CDKAL1: variants seen among roughly 807,000 people sequenced by gnomAD.
CDKAL1 encodes CDKAL1 threonylcarbamoyladenosine tRNA methylthiotransferase.
CDKAL1 carries 32 observed loss-of-function variants against 68.2 expected under a neutral mutation model. The observed-to-expected ratio is 0.47, with a 90% CI of 0.35 to 0.63. The LOEUF (loss-of-function observed/expected upper bound fraction) is 0.63. Ranked by LOEUF, CDKAL1 falls within the 30% of genes least tolerant of loss-of-function variation. The pLI, the probability that CDKAL1 is intolerant of heterozygous loss-of-function variation, is 0.00. For synonymous variants in CDKAL1, 234 were observed against 244.3 expected (o/e 0.96, Z 0.39); for missense variants, 606 against 696.7 (o/e 0.87, Z 1.47).
In CDKAL1 at chr6:20,778,062, ATAAAT is replaced by A. The variant is rs147673403; in HGVS notation, c.518-3082_518-3078del. 8.4e-3 allele frequency among the ~76,000 whole-genome samples: 1,286 copies of A among 152,302 alleles called. 14 individuals are homozygous for A. Among genetic ancestry groups the A allele is most frequent in the African/African-American group, 0.028 (1,180 of 41,564 alleles). ...ATAGCACAAAAGAGGAAGAAGGAAA[ATAAAT>A]AGCATCAGGACAGTTGAATATTCAT... is the stretch of plus-strand genomic sequence containing the variant. On this transcript the variant is annotated intron_variant, in intron 7 of 15. Transcript: ENST00000274695.
intron 9 of CDKAL1, among the ~76,000 whole-genome samples, chr6:20,919,960 C>T (rs1762877467): frequency 1.3e-5 from 2 of 152,130 alleles, no homozygotes; most frequent in Non-Finnish European, 2.9e-5. Flanking sequence ...GCATCTGGCT[C>T]TTAGGGGTGG....
intron 8 of CDKAL1, chr6:20,799,869 A>G (rs1189351699): frequency 6.6e-6 from 1 of 152,222 alleles, no homozygotes; most frequent in Non-Finnish European, 1.5e-5. Flanking sequence ...TGCCTATAAA[A>G]ACTGTACAAA....
intron 11 of CDKAL1, among the ~76,000 whole-genome samples, chr6:21,054,018 A>T (rs1770691965): frequency 6.6e-6 from 1 of 152,148 alleles, no homozygotes; most frequent in African/African-American, 2.4e-5. Context: ...TCGCTAAGAA[A>T]TCTTTGCCTA....
chr6:20,748,487 C>T (rs1158307580), intron 6 of CDKAL1, among the ~76,000 whole-genome samples: 3 of 128,648 alleles, frequency 2.3e-5, no homozygotes, highest in Admixed American at 1.9e-4. Context: ...CAGGCTGTGG[C>T]GAGTTGTTGT....
At chr6:20,976,532 A>G (rs931572606) in intron 10 of CDKAL1, among the ~76,000 whole-genome samples, 1 of 152,180 alleles carries the variant, frequency 6.6e-6, no homozygotes, top group Non-Finnish European at 1.5e-5. Context: ...GTGGTATAAC[A>G]TAAATACCAT....
At chr6:21,043,578 T>G (rs1770054474) in intron 11 of CDKAL1, among the ~76,000 whole-genome samples, 2 of 152,250 alleles carry the variant, frequency 1.3e-5, no homozygotes, top group South Asian at 4.1e-4. Context: ...ATCTTCATGC[T>G]TTCATCATTT....
intron 4 of CDKAL1, among the ~76,000 whole-genome samples, chr6:20,557,182 G>T (rs1429722237): frequency 6.6e-6 from 1 of 151,946 alleles, no homozygotes; most frequent in Admixed American, 6.6e-5. Flanking sequence ...ACAGTGAAGT[G>T]TTTAGTTATA....
intron 4 of CDKAL1, among the ~76,000 whole-genome samples, chr6:20,617,875 CA>C (rs1245914844): frequency 6.6e-6 from 1 of 152,192 alleles, no homozygotes; most frequent in Admixed American, 6.5e-5. Flanking sequence ...CCGCAATAAA[CA>C]TACATGTACA....
At chr6:20,955,999 T>C (rs1038537353) in intron 10 of CDKAL1, among the ~76,000 whole-genome samples, 3 of 152,214 alleles carry the variant, frequency 2.0e-5, no homozygotes, top group Non-Finnish European at 4.4e-5. Flanking sequence ...GAAAAGGGAC[T>C]GTGCTTGAAG....
chr6:20,889,127 A>G (rs1192152043), intron 9 of CDKAL1, among the ~76,000 whole-genome samples: 22 of 152,068 alleles, frequency 1.4e-4, no homozygotes, highest in Non-Finnish European at 3.1e-4. Context: ...GCCAGTGATG[A>G]TGAGCATTTT....
At chr6:20,711,349 A>C (rs937752825) in intron 5 of CDKAL1, among the ~76,000 whole-genome samples, 1 of 152,226 alleles carries the variant, frequency 6.6e-6, no homozygotes, top group African/African-American at 2.4e-5. Context: ...ATAGTGTCAG[A>C]CTTCTACATT....
intron 5 of CDKAL1, among the ~76,000 whole-genome samples, chr6:20,724,439 A>G (rs1366091144): frequency 1.3e-5 from 2 of 151,772 alleles, no homozygotes; most frequent in Admixed American, 6.6e-5. Context: ...ATTTGAGACC[A>G]GGTACAGTGG....
intron 9 of CDKAL1, among the ~76,000 whole-genome samples, chr6:20,952,604 T>C (rs1258083546): frequency 6.6e-6 from 1 of 152,224 alleles, no homozygotes; most frequent in Non-Finnish European, 1.5e-5. Flanking sequence ...GAACTGAACG[T>C]GCAAAGAAAT....
At chr6:20,835,058 A>G (rs576679797) in intron 8 of CDKAL1, among the ~76,000 whole-genome samples, 2 of 152,162 alleles carry the variant, frequency 1.3e-5, no homozygotes, top group Non-Finnish European at 2.9e-5. Flanking sequence ...AATTATTGAA[A>G]ACCAATTTAT....
intron 5 of CDKAL1, among the ~76,000 whole-genome samples, chr6:20,660,311 T>G (rs1769226775): frequency 6.6e-6 from 1 of 152,198 alleles, no homozygotes; most frequent in Non-Finnish European, 1.5e-5. Flanking sequence ...TTATGAAGCC[T>G]TTGACGCTCT....
intron 3 of CDKAL1, among the ~76,000 whole-genome samples, chr6:20,546,813 C>T (rs1763625485): frequency 6.6e-6 from 1 of 152,198 alleles, no homozygotes; most frequent in South Asian, 2.1e-4. Flanking sequence ...CTTGGCCTCC[C>T]AAAGTACTGG....
At chr6:20,784,084 G>A (rs958375807) in intron 8 of CDKAL1, among the ~76,000 whole-genome samples, 6 of 151,782 alleles carry the variant, frequency 4.0e-5, no homozygotes, top group African/African-American at 7.3e-5. Flanking sequence ...GTGGCGGCGC[G>A]TGCCTGTAAT....
At chr6:21,096,672 C>T (rs550386127) in intron 12 of CDKAL1, among the ~76,000 whole-genome samples, 2 of 152,118 alleles carry the variant, frequency 1.3e-5, no homozygotes, top group South Asian at 4.2e-4. Context: ...TTATAGGTAT[C>T]AGGCATTATT....
chr6:20,830,364 A>G (rs1777664354), intron 8 of CDKAL1, among the ~76,000 whole-genome samples: 1 of 152,228 alleles, frequency 6.6e-6, no homozygotes, highest in Non-Finnish European at 1.5e-5. Context: ...ATAGCACTTT[A>G]CAATGATTGT....
Sources: allele counts gnomAD v4.1 joint callset (sites outside exome capture counted in the v4.1 genomes callset), GRCh38; gene constraint gnomAD v4.1.1; transcripts MANE v1.5; gene names NCBI Gene and HGNC (gene_info 2026-07-23, HGNC 2026-07-21).